Variants in GRM8 observed in about 807,000 individuals in gnomAD.
The protein encoded by GRM8 is glutamate metabotropic receptor 8.
In GRM8, 47 loss-of-function variants were observed where a neutral mutation model predicts 87.2. The ratio of observed to expected loss-of-function variants is 0.54; its 90% confidence interval spans 0.43 to 0.69. The LOEUF (loss-of-function observed/expected upper bound fraction) is 0.69, where lower values mean the gene tolerates loss of function less well. Among genes scored for constraint, GRM8 ranks in the 30% least tolerant of loss-of-function variants. GRM8 has a pLI of 0.00. For missense variants in GRM8, 1,019 were observed against 1,139.2 expected, an observed-to-expected ratio of 0.89 and a Z score of 1.52; for synonymous variants, 396 against 404.5, an observed-to-expected ratio of 0.98 and a Z score of 0.25.
intron 2 of GRM8, among the ~76,000 whole-genome samples, chr7:127,227,815 G>A (rs1348002487): frequency 1.3e-5 from 2 of 152,174 alleles, no homozygotes; most frequent in African/African-American, 2.4e-5. Flanking sequence ...GAAGCCATGT[G>A]ATCATTCCGG....
At chr7:126,748,229 T>G (rs1012538386) in intron 7 of GRM8, among the ~76,000 whole-genome samples, 7 of 152,018 alleles carry the variant, frequency 4.6e-5, no homozygotes, top group African/African-American at 1.7e-4. Context: ...ACTATCTTCA[T>G]TTGTAGATAA....
chr7:126,482,500 C>T (rs918078406), intron 9 of GRM8, among the ~76,000 whole-genome samples: 1 of 151,944 alleles, frequency 6.6e-6, no homozygotes, highest in East Asian at 1.9e-4. Context: ...TACACTTCAA[C>T]ATGAATGAAT....
intron 8 of GRM8, among the ~76,000 whole-genome samples, chr7:126,537,531 C>T (rs1815940461): frequency 6.6e-6 from 1 of 152,170 alleles, no homozygotes; most frequent in South Asian, 2.1e-4. Context: ...AATCCTAGCA[C>T]TTTGGGAGGC....
At chr7:127,135,617 CA>C (rs1168682673) in intron 2 of GRM8, among the ~76,000 whole-genome samples, 14 of 36,854 alleles carry the variant, frequency 3.8e-4, no homozygotes, top group African/African-American at 1.6e-3. Flanking sequence ...GACTCCGTCT[CA>C]AAAAAAAAAA....
At chr7:126,820,614 A>G (rs1794208275) in intron 6 of GRM8, among the ~76,000 whole-genome samples, 1 of 152,160 alleles carries the variant, frequency 6.6e-6, no homozygotes, top group Non-Finnish European at 1.5e-5. Context: ...AGACAGTAAA[A>G]CCACGGATAG....
chr7:126,663,125 C>T (rs998311122), intron 7 of GRM8, among the ~76,000 whole-genome samples: 1 of 152,180 alleles, frequency 6.6e-6, no homozygotes, highest in Admixed American at 6.5e-5. Flanking sequence ...ACTGAGCAGA[C>T]CAATATCAAG....
At chr7:127,135,767 T>C (rs1286050539) in intron 2 of GRM8, among the ~76,000 whole-genome samples, 1 of 151,994 alleles carries the variant, frequency 6.6e-6, no homozygotes, top group African/African-American at 2.4e-5. Flanking sequence ...AAAATTTAAA[T>C]ATGATAAGAT....
rs115551867 is a variant in GRM8, at chr7:126,672,988, G to C, written c.1358-63490C>G. Among the ~76,000 whole-genome samples the C allele has an allele frequency of 3.5e-3, 527 of 152,284 alleles. 1 individual carries two copies. Among genetic ancestry groups the C allele is most frequent in the African/African-American group, 0.01 (422 of 41,552 alleles). ...ATCCTTAATCTAATGGCAGTTAGATGTATTTCTCTAGAAGGTGGTATGAGA... is the reference window on the plus strand; with the variant it reads ...ATCCTTAATCTAATGGCAGTTAGATCTATTTCTCTAGAAGGTGGTATGAGA... On this transcript the variant is annotated intron_variant, in intron 7 of 10. Coordinates refer to ENST00000339582, the MANE Select transcript of GRM8 (RefSeq NM_000845.3).
chr7:127,044,466 A>G (rs1285450963), intron 3 of GRM8, among the ~76,000 whole-genome samples: 2 of 152,180 alleles, frequency 1.3e-5, no homozygotes, highest in African/African-American at 4.8e-5. Flanking sequence ...CACAATTTAG[A>G]TATTAAAATT....
chr7:126,875,792 C>T (rs1189863024), intron 6 of GRM8, among the ~76,000 whole-genome samples: 1 of 152,044 alleles, frequency 6.6e-6, no homozygotes, highest in Non-Finnish European at 1.5e-5. Context: ...GTCTCCCTAT[C>T]TCCAATCTCA....
At chr7:126,634,419 T>C (rs1801647350) in intron 7 of GRM8, among the ~76,000 whole-genome samples, 1 of 152,118 alleles carries the variant, frequency 6.6e-6, no homozygotes, top group Non-Finnish European at 1.5e-5. Context: ...ACTGAATGGG[T>C]TTCCTGACCC....
intron 6 of GRM8, among the ~76,000 whole-genome samples, chr7:126,860,565 A>C (rs1360251997): frequency 6.6e-6 from 1 of 152,198 alleles, no homozygotes; most frequent in Non-Finnish European, 1.5e-5. Flanking sequence ...ATTACTAATT[A>C]AAATGGTTAC....
rs371323435 is a variant in GRM8, at chr7:127,208,751, G to A, written c.510+33944C>T. Among the ~76,000 whole-genome samples the A allele has an allele frequency of 2.0e-4, 31 of 152,204 alleles. No homozygotes were observed. The South Asian group carries it at 6.0e-3, about 30-fold the overall frequency. The stretch of plus-strand genomic sequence containing the variant: ...CTTCAGTCCTCTAACCACTTGATTC[G>A]GTACACTTGATGTGATCTAGCATTA... On this transcript the variant is annotated intron_variant, in intron 2 of 10. Transcript: ENST00000339582.
At chr7:126,783,150 A>G (rs1479420868) in intron 6 of GRM8, among the ~76,000 whole-genome samples, 2 of 152,104 alleles carry the variant, frequency 1.3e-5, no homozygotes, top group African/African-American at 4.8e-5. Flanking sequence ...CATCATTTTT[A>G]TTTACAGCTT....
At chr7:127,223,568 A>T (rs1487577637) in intron 2 of GRM8, among the ~76,000 whole-genome samples, 1 of 151,970 alleles carries the variant, frequency 6.6e-6, no homozygotes, top group African/African-American at 2.4e-5. Flanking sequence ...CTCCACCAGG[A>T]TAGTTTCTGA....
intron 3 of GRM8, among the ~76,000 whole-genome samples, chr7:126,909,132 G>A (rs1382305897): frequency 2.0e-5 from 3 of 152,182 alleles, no homozygotes; most frequent in African/African-American, 7.2e-5. Context: ...CATAAGAAAT[G>A]TCAGACAAGG....
chr7:126,730,763 T>C (rs73451106), intron 7 of GRM8, among the ~76,000 whole-genome samples: 1,861 of 152,230 alleles, frequency 0.012, 46 homozygotes, highest in African/African-American at 0.042. Context: ...TACTTTGATA[T>C]ATCAAAGTTA....
intron 3 of GRM8, among the ~76,000 whole-genome samples, chr7:127,066,041 C>A (rs1164183579): frequency 7.7e-6 from 1 of 129,070 alleles, no homozygotes; most frequent in Non-Finnish European, 1.6e-5. Context: ...CTTTGACACT[C>A]CAGATTGGAA....
intron 7 of GRM8, among the ~76,000 whole-genome samples, chr7:126,769,643 G>A (rs1046880418): frequency 3.9e-5 from 5 of 127,008 alleles, no homozygotes; most frequent in Non-Finnish European, 9.5e-5. Context: ...GATTGACAGA[G>A]GCTTATTTTA....
Sources: allele counts gnomAD v4.1 joint callset (sites outside exome capture counted in the v4.1 genomes callset), GRCh38; gene constraint gnomAD v4.1.1; transcripts MANE v1.5; gene names NCBI Gene and HGNC (gene_info 2026-07-23, HGNC 2026-07-21).